The following ANGPT1 variants were observed in gnomAD, a reference collection of about 807,000 sequenced individuals.
ANGPT1 encodes angiopoietin 1.
ANGPT1 carries 17 observed loss-of-function variants against 62.2 expected under a neutral mutation model. The ratio of observed to expected loss-of-function variants is 0.27; its 90% CI spans 0.19 to 0.41. The LOEUF is 0.41. Ranked by LOEUF, ANGPT1 falls within the 10% of genes least tolerant of loss-of-function variation. The pLI is 1.00. For missense variants in ANGPT1, 478 were observed against 594.9 expected (o/e 0.80, Z 2.04); for synonymous variants, 199 against 198.9 (o/e 1.00, Z 0.00).
At chr8:107,445,334 A>G (rs576938381) in intron 1 of ANGPT1, among the ~76,000 whole-genome samples, 2 of 152,236 alleles carry the variant, frequency 1.3e-5, no homozygotes, top group South Asian at 4.2e-4. Context: ...GGGGAGGGAG[A>G]AAATACAAAA....
chr8:107,476,782 C>T (rs917764531), intron 1 of ANGPT1, among the ~76,000 whole-genome samples: 8 of 152,078 alleles, frequency 5.3e-5, no homozygotes, highest in African/African-American at 1.7e-4. Flanking sequence ...TACGTATTGC[C>T]TGAGCAAAGC....
intron 1 of ANGPT1, among the ~76,000 whole-genome samples, chr8:107,438,625 TC>T (rs1811395636): frequency 6.6e-6 from 1 of 152,180 alleles, no homozygotes; most frequent in South Asian, 2.1e-4. Flanking sequence ...CATATGCTTA[TC>T]TTTACTATTT....
At chr8:107,370,176 GAAGAAAGAAAGAAAGAAAAA>G (rs1402286154) in intron 1 of ANGPT1, among the ~76,000 whole-genome samples, 11 of 86,088 alleles carry the variant, frequency 1.3e-4, no homozygotes, top group Admixed American at 6.0e-4. Context: ...AAGAGAGAAA[GAAGAAAGAAAGAAAGAAAAA>G]AAGAAAGAAA....
At chr8:107,351,765 T>C (rs1339310449) in intron 1 of ANGPT1, among the ~76,000 whole-genome samples, 1 of 152,068 alleles carries the variant, frequency 6.6e-6, no homozygotes, top group African/African-American at 2.4e-5. Context: ...AGTCCTCTCA[T>C]TAGTTCTTAC....
intron 1 of ANGPT1, among the ~76,000 whole-genome samples, chr8:107,370,880 G>A (rs1816395642): frequency 1.3e-5 from 2 of 151,572 alleles, no homozygotes; most frequent in African/African-American, 4.9e-5. Flanking sequence ...ACCAAAATGT[G>A]ACACAGAGAC....
chr8:107,448,568 G>A (rs1811678552), intron 1 of ANGPT1, among the ~76,000 whole-genome samples: 1 of 152,140 alleles, frequency 6.6e-6, no homozygotes, highest in Non-Finnish European at 1.5e-5. Context: ...TGGCTAGGGA[G>A]TACAGGAGAG....
rs370170448 is a variant in ANGPT1, at chr8:107,361,784, C to T, written c.298-14687G>A. ...TTAAATGTCAGCAAAGACAGGCTGGCGCAGTGGCTCATACCTGTAATCCCA... is the reference window on the plus strand; with the variant it reads ...TTAAATGTCAGCAAAGACAGGCTGGTGCAGTGGCTCATACCTGTAATCCCA... On this transcript the variant is annotated intron_variant, in intron 1 of 8. Transcript: ENST00000517746. Among the ~76,000 whole-genome samples the T allele has an allele frequency of 2.9e-3, 443 of 152,058 alleles. 2 individuals are homozygous for T. Among genetic ancestry groups the T allele is most frequent in the African/African-American group, 0.01 (420 of 41,490 alleles).
intron 4 of ANGPT1, among the ~76,000 whole-genome samples, chr8:107,304,464 T>C (rs1304985301): frequency 6.6e-6 from 1 of 151,716 alleles, no homozygotes; most frequent in Non-Finnish European, 1.5e-5. Context: ...TTCAAACACA[T>C]TGAGTTATAA....
At position 107,269,516 on chromosome 8, in the gene ANGPT1, C is replaced by T. The variant is rs182931576; in HGVS notation, c.1206-5165G>A. ...ACAGGATGGCTTTGCACCTGACTAC[C>T]GTGACAGTGAATTGGAAGTGTGAAA... On this transcript the variant is annotated intron_variant, in intron 7 of 8. Transcript: ENST00000517746. 1.3e-3 allele frequency among the ~76,000 whole-genome samples: 196 copies of T among 152,032 alleles called. 2 individuals carry two copies. Among genetic ancestry groups the T allele is most frequent in the African/African-American group, 4.5e-3 (185 of 41,486 alleles).
intron 1 of ANGPT1, among the ~76,000 whole-genome samples, chr8:107,402,158 T>C (rs745893520): frequency 5.3e-5 from 8 of 152,190 alleles, no homozygotes; most frequent in Non-Finnish European, 1.2e-4. Flanking sequence ...GCTTGCATGC[T>C]ATGTTGATTT....
chr8:107,376,950 A>G (rs1424821901), intron 1 of ANGPT1, among the ~76,000 whole-genome samples: 1 of 152,190 alleles, frequency 6.6e-6, no homozygotes, highest in African/African-American at 2.4e-5. Context: ...CAAAAGATCA[A>G]GTACATTTTT....
chr8:107,303,439 T>C, intron 4 of ANGPT1, 72 bp from the exon 5 acceptor site: 3 of 1,277,912 alleles, frequency 2.3e-6, no homozygotes, highest in Non-Finnish European at 3.3e-6. Flanking sequence ...ACTCCAATAA[T>C]AGCTAAGCAT....
At position 107,489,816 on chromosome 8, in the gene ANGPT1, G is replaced by A. The variant is rs115034753; in HGVS notation, c.297+7446C>T. Among the ~76,000 whole-genome samples the A allele has an allele frequency of 7.0e-3, 1,058 of 152,070 alleles. 11 individuals carry two copies. Among genetic ancestry groups the A allele is most frequent in the African/African-American group, 0.024 (1,016 of 41,476 alleles). On this transcript the variant is annotated intron_variant, in intron 1 of 8. Transcript: ENST00000517746. The stretch of plus-strand genomic sequence containing the variant: ...GACCATGGGGCCAAAACCAAAGGGG[G>A]TTTGGAATTTCCCAACTCCACCGCC...
At chr8:107,353,593 G>T (rs758278758) in intron 1 of ANGPT1, among the ~76,000 whole-genome samples, 2 of 152,186 alleles carry the variant, frequency 1.3e-5, no homozygotes, top group Non-Finnish European at 2.9e-5. Context: ...TGGTCATTGA[G>T]CCTCAGCAAC....
At chr8:107,467,050 T>C (rs1203722637) in intron 1 of ANGPT1, among the ~76,000 whole-genome samples, 1 of 152,140 alleles carries the variant, frequency 6.6e-6, no homozygotes. Context: ...TCATGTCATA[T>C]TCAACATCTT....
intron 3 of ANGPT1, among the ~76,000 whole-genome samples, chr8:107,332,853 CT>C (rs1563573376): frequency 1.3e-5 from 2 of 152,224 alleles, no homozygotes; most frequent in Non-Finnish European, 2.9e-5. Context: ...CATGTTGTTG[CT>C]GCATTTCAGA....
chr8:107,451,523 T>C (rs376199004), intron 1 of ANGPT1, among the ~76,000 whole-genome samples: 12 of 151,992 alleles, frequency 7.9e-5, no homozygotes, highest in African/African-American at 2.2e-4. Context: ...TTTAGTACTA[T>C]AGAATCAGAT....
intron 6 of ANGPT1, among the ~76,000 whole-genome samples, chr8:107,293,376 T>C (rs943448517): frequency 6.6e-6 from 1 of 152,168 alleles, no homozygotes; most frequent in Non-Finnish European, 1.5e-5. Context: ...CTGTTTCATT[T>C]CTGGGTCTAA....
intron 4 of ANGPT1, among the ~76,000 whole-genome samples, chr8:107,309,043 T>C (rs916921689): frequency 6.6e-6 from 1 of 152,152 alleles, no homozygotes; most frequent in African/African-American, 2.4e-5. Context: ...TTGGTAATTA[T>C]TAGCCTCAGC....
Sources: allele counts gnomAD v4.1 joint callset (sites outside exome capture counted in the v4.1 genomes callset), GRCh38; gene constraint gnomAD v4.1.1; transcripts MANE v1.5; gene names NCBI Gene and HGNC (gene_info 2026-07-23, HGNC 2026-07-21).